CP: variants seen among roughly 807,000 people sequenced by gnomAD.
CP encodes the protein ceruloplasmin.
Under a neutral mutation model 122.4 loss-of-function variants are expected in CP, and 64 were observed. The observed-to-expected ratio is 0.52, with a 90% CI of 0.43 to 0.64. The LOEUF is 0.64. Ranked by LOEUF, CP falls within the 30% of genes least tolerant of loss-of-function variation. The pLI, the probability that CP is intolerant of heterozygous loss-of-function variation, is 0.00. For missense variants in CP, 1,167 were observed against 1,284.4 expected (o/e 0.91, Z 1.40); for synonymous variants, 440 against 436.4 (o/e 1.01, Z -0.10).
At chr3:149,173,865 T>C in intron 18 of CP, 135 bp from the exon 19 acceptor site, 1 of 490,060 alleles carries the variant, frequency 2.0e-6, no homozygotes, top group Non-Finnish European at 3.7e-6. Flanking sequence ...GCTTTTTATA[T>C]GTTTAAAAAT....
At chr3:149,183,731 C>T in intron 12 of CP, 126 bp from the exon 13 acceptor site, 1 of 688,602 alleles carries the variant, frequency 1.5e-6, no homozygotes, top group Admixed American at 2.9e-5. Context: ...TAAATCATCA[C>T]TCTTCTATCC....
rs1482640064 is a variant in CP at position 149,210,352 on chromosome 3, T to C, written c.422A>G (p.Asp141Gly). 6.2e-7 allele frequency: 1 copy of C among 1,613,908 alleles called. No individual in the cohort carries two copies. Among genetic ancestry groups the C allele is most frequent in the Admixed American group, 1.7e-5 (1 of 59,998 alleles). Reference protein sequence around the residue: ...EGAIYPDNTTDFQRADDKVYP... With the variant: ...EGAIYPDNTTGFQRADDKVYP... ...TACTTTGTCATCTGCTCTTTGAAAA[T>C]CTGTGGTGTTATCAGGGTAGATGGC... is the stretch of plus-strand genomic sequence containing the variant. Residue 141 changes from aspartate to glycine, a missense_variant, in exon 3 of 19, where the codon GAT becomes GGT. Physicochemically the swap from Asp to Gly is moderately conservative, Grantham distance 94. Coordinates refer to ENST00000264613, the MANE Select transcript of CP (RefSeq NM_000096.4).
rs762665649 is a variant in CP, at chr3:149,182,022, A to G, written c.2537T>C (p.Val846Ala). ...GTGAGTACCTGGTAATGTTGGAGTA[A>G]CTGTAGAACTCTCTGTTTGTACCCC... The part of the protein sequence containing the change: ...AHGVQTESST[V>A]TPTLPGETLT... Residue 846 changes from valine to alanine, a missense_variant, in exon 14 of 19, where the codon GTT (valine) becomes GCT (alanine). This residue lies in a region of CP where 525 missense variants were observed against 657.2 expected (regional missense o/e 0.80). Coordinates refer to ENST00000264613, the MANE Select transcript of CP (RefSeq NM_000096.4). The G allele has an allele frequency of 4.4e-6, 6 of 1,354,358 alleles. No homozygotes were observed. The highest frequency in any genetic ancestry group is 5.9e-6 in the Non-Finnish European group (6 of 1,018,868). The allele number at this position is 1,354,358 out of a possible 1,614,324, so 83.9% of individuals were successfully genotyped here.
rs1326723986 is a variant in CP, at chr3:149,186,490, C to T, written c.2077+30G>A. 2.5e-6 allele frequency: 4 copies of T among 1,599,546 alleles called. No individual in the cohort carries two copies. The African/African-American group carries it at 4.0e-5, about 16-fold the overall frequency. ...TAAACCAAAACTACACAAATCCATC[C>T]AATAGAGACTTGGCTTTAAGTAAAT... On this transcript the variant is annotated intron_variant, in intron 11 of 18. Transcript: ENST00000264613.
chr3:149,209,098 A>G (rs1207911606), intron 4 of CP, 113 bp downstream of exon 4: 2 of 1,360,636 alleles, frequency 1.5e-6, no homozygotes, highest in African/African-American at 1.4e-5. Context: ...ATGCTTTGTT[A>G]TAAGGACCAC....
At chr3:149,181,151 A>C (rs530778045) in intron 14 of CP, among the ~76,000 whole-genome samples, 1 of 152,212 alleles carries the variant, frequency 6.6e-6, no homozygotes, top group East Asian at 1.9e-4. Context: ...CATCAGTCTT[A>C]AATCTCGAGT....
chr3:149,207,310 C>G (rs1727801903), intron 5 of CP, 53 bp downstream of exon 5: 1 of 1,611,760 alleles, frequency 6.2e-7, no homozygotes, highest in East Asian at 2.2e-5. Flanking sequence ...GATTCTGATT[C>G]CCAGTAACCA....
intron 1 of CP, among the ~76,000 whole-genome samples, chr3:149,216,707 C>G (rs1303127963): frequency 1.3e-5 from 2 of 152,174 alleles, no homozygotes; most frequent in African/African-American, 4.8e-5. Context: ...CCGGTTCTAA[C>G]CAGCCTTCCT....
In CP at chr3:149,167,210, T is replaced by G. The variant is rs760647222; in HGVS notation, c.587-1160A>C. On this transcript the variant is annotated intron_variant, in intron 4 of 5. Coordinates refer to the CP transcript ENST00000479771. The stretch of plus-strand genomic sequence containing the variant: ...GATGCCCGGAGGCAGTCATTCCATA[T>G]GCTAATCATGAACTGAAAGAAGAGA... The G allele has an allele frequency of 3.1e-6, 5 of 1,613,678 alleles. No homozygotes were observed. In the South Asian group the frequency reaches 5.5e-5, roughly 18 times the overall value.
At position 149,177,881 on chromosome 3, in the gene CP, A is replaced by G. The variant is rs1363458430; in HGVS notation, c.2977T>C (p.Leu993=). 3 of 1,613,674 alleles carry G rather than the reference A, an allele frequency of 1.9e-6. No homozygotes were observed. ...YLMGMGNEID[L]HTVHFHGHSF... is the part of the protein sequence containing the mutation. ...TGGCCGTGAAAATGTACAGTGTGTA[A>G]GTCTATTTCATTGCCCATTCCCATC... is the stretch of plus-strand genomic sequence containing the variant. The change falls in exon 17 of 19, where the codon TTA becomes CTA. Residue 993 remains leucine (L), a synonymous_variant. Coordinates refer to ENST00000264613, the MANE Select transcript of CP (RefSeq NM_000096.4).
chr3:149,199,074 A>G (rs1474337866), intron 8 of CP, among the ~76,000 whole-genome samples: 1 of 152,202 alleles, frequency 6.6e-6, no homozygotes, highest in Non-Finnish European at 1.5e-5. Context: ...GTTCACAGTC[A>G]CACTGCAAGT....
intron 1 of CP, among the ~76,000 whole-genome samples, chr3:149,220,814 G>T (rs947285927): frequency 1.3e-5 from 2 of 152,010 alleles, no homozygotes; most frequent in Non-Finnish European, 2.9e-5. Context: ...AGTGAATATT[G>T]ATTTTGAATT....
chr3:149,166,717 A>G (rs1724456519), intron 4 of CP, among the ~76,000 whole-genome samples: 1 of 152,188 alleles, frequency 6.6e-6, no homozygotes, highest in African/African-American at 2.4e-5. Context: ...CTTTAACCAC[A>G]ATGTTGATTA....
At chr3:149,164,216 T>C (rs1006615263) in intron 5 of CP, among the ~76,000 whole-genome samples, 2 of 152,206 alleles carry the variant, frequency 1.3e-5, no homozygotes, top group Non-Finnish European at 2.9e-5. Context: ...TTCCTCATTT[T>C]CAGGATGGGC....
At chr3:149,191,104 A>T (rs1317595245) in intron 9 of CP, among the ~76,000 whole-genome samples, 1 of 152,230 alleles carries the variant, frequency 6.6e-6, no homozygotes, top group Non-Finnish European at 1.5e-5. Context: ...TTTGTAAAAT[A>T]TGACATTCTG....
chr3:149,170,642 A>G (rs982738768), downstream of CP: 7 of 152,234 alleles, frequency 4.6e-5, no homozygotes, highest in Admixed American at 3.3e-4. Context: ...AATCTTTTCT[A>G]TAAACCATTG....
rs1379467004 is a variant in CP, at chr3:149,217,908, A to T, written c.146+3739T>A. 6 of 447,352 alleles carry T rather than the reference A, an allele frequency of 1.3e-5. No individual in the cohort carries two copies. In the East Asian group the frequency reaches 3.2e-4, roughly 24 times the overall value. 27.7% of individuals were successfully genotyped at this position (447,352 alleles called of 1,614,324 possible). A position where few individuals can be genotyped will look rare whatever the true frequency, so the allele number is the denominator to read the frequency against. On this transcript the variant is annotated intron_variant, in intron 1 of 18. Transcript: ENST00000264613. ...TTTGTTGTCTAGTTTTTTGGTCAGG[A>T]TTTGAGCTGTTATTTCTTCTTGGTC...
intron 1 of CP, among the ~76,000 whole-genome samples, chr3:149,213,535 G>A (rs1423586959): frequency 6.6e-6 from 1 of 152,116 alleles, no homozygotes; most frequent in Non-Finnish European, 1.5e-5. Context: ...GCAACATCAT[G>A]TTGCCATTTG....
At chr3:149,177,758 GTC>G (rs759720955) in intron 17 of CP, 80 bp downstream of exon 17, 6 of 1,472,138 alleles carry the variant, frequency 4.1e-6, no homozygotes, top group Non-Finnish European at 5.7e-6. Context: ...TTTTTCATAA[GTC>G]TCTCTGAGAA....
Sources: gnomAD v4.1 joint callset for allele counts (sites outside exome capture counted in the v4.1 genomes callset) on GRCh38, gnomAD v4.1.1 for gene constraint, gnomAD v4.1.1 regional missense constraint, MANE v1.5 for transcripts, NCBI Gene and HGNC (gene_info 2026-07-23, HGNC 2026-07-21) for gene names.